Variants in SMURF2 observed in about 807,000 individuals in gnomAD.
The protein encoded by SMURF2 is E3 ubiquitin-protein ligase SMURF2.
Under a neutral mutation model 109.6 loss-of-function variants are expected in SMURF2, and 48 were observed. The observed-to-expected ratio is 0.44, with a 90% CI of 0.35 to 0.56. The LOEUF (loss-of-function observed/expected upper bound fraction) is 0.56. SMURF2 is among the 20% of genes least tolerant of loss of function. SMURF2 has a pLI of 0.01. For synonymous variants in SMURF2, 288 were observed against 317.1 expected, an observed-to-expected ratio of 0.91 and a Z score of 0.97; for missense variants, 575 against 909.0, an observed-to-expected ratio of 0.63 and a Z score of 4.72.
At chr17:64,628,174 T>C (rs1339955539) in intron 1 of SMURF2, among the ~76,000 whole-genome samples, 1 of 152,184 alleles carries the variant, frequency 6.6e-6, no homozygotes, top group Non-Finnish European at 1.5e-5. Flanking sequence ...TTCTGGTTTC[T>C]TGTGGGTAGA....
chr17:64,576,231 G>T (rs782329536), intron 9 of SMURF2, among the ~76,000 whole-genome samples: 6 of 151,866 alleles, frequency 4.0e-5, no homozygotes, highest in Admixed American at 3.3e-4. Context: ...GGGAGGCAGG[G>T]AGAAAACAAT....
chr17:64,551,379 A>G (rs1969043423), intron 16 of SMURF2, among the ~76,000 whole-genome samples: 2 of 151,990 alleles, frequency 1.3e-5, no homozygotes, highest in African/African-American at 4.8e-5. Context: ...AGAGAGAGAG[A>G]GACAGATTGT....
intron 1 of SMURF2, among the ~76,000 whole-genome samples, chr17:64,647,481 C>T (rs1555693064): frequency 2.0e-5 from 3 of 152,000 alleles, no homozygotes; most frequent in Admixed American, 6.6e-5. Flanking sequence ...AGCTTGAGAC[C>T]AGCCTGGCCA....
intron 5 of SMURF2, among the ~76,000 whole-genome samples, chr17:64,588,918 C>T (rs186857122): frequency 2.0e-4 from 30 of 152,250 alleles, no homozygotes; most frequent in African/African-American, 6.7e-4. Context: ...CCACTGTGCC[C>T]GGCCCGGGAA....
At chr17:64,551,790 C>G (rs531132522) in intron 15 of SMURF2, 86 bp from the exon 16 acceptor site, 4 of 1,512,614 alleles carry the variant, frequency 2.6e-6, no homozygotes, top group Non-Finnish European at 3.6e-6. Context: ...TTAGCAACAC[C>G]GCATCTTACA....
chr17:64,584,662 T>G (rs1369393620), intron 6 of SMURF2, among the ~76,000 whole-genome samples: 1 of 152,164 alleles, frequency 6.6e-6, no homozygotes, highest in Non-Finnish European at 1.5e-5. Flanking sequence ...TGGCCAAGAC[T>G]GCTACTTTCT....
intron 2 of SMURF2, among the ~76,000 whole-genome samples, chr17:64,599,794 C>T (rs1276031242): frequency 2.6e-5 from 4 of 152,076 alleles, no homozygotes; most frequent in African/African-American, 7.2e-5. Flanking sequence ...GTCCCTGTGC[C>T]GAAGGTTGGG....
intron 1 of SMURF2, 117 bp from the exon 2 acceptor site, chr17:64,606,757 AT>A: frequency 1.5e-6 from 1 of 682,184 alleles, no homozygotes; most frequent in East Asian, 3.1e-5. Context: ...ATAGCAAGGT[AT>A]GAAACATGAC....
chr17:64,576,003 G>C (rs1969484582), intron 9 of SMURF2, among the ~76,000 whole-genome samples: 1 of 151,770 alleles, frequency 6.6e-6, no homozygotes, highest in Non-Finnish European at 1.5e-5. Context: ...TCAGGAGTTT[G>C]AGACTAGCTT....
intron 1 of SMURF2, among the ~76,000 whole-genome samples, chr17:64,635,187 C>A (rs1438445860): frequency 6.6e-6 from 1 of 151,850 alleles, no homozygotes; most frequent in South Asian, 2.1e-4. Flanking sequence ...ATTAGCTGGG[C>A]GTGGTGGTGC....
chr17:64,545,733 AGG>A lies in SMURF2; in HGVS notation c.*113_*114del, dbSNP rs59188589. 0.12 allele frequency: 9,293 copies of A among 79,138 alleles called. 794 individuals are homozygous for A. The highest frequency in any genetic ancestry group is 0.32 in the African/African-American group (6,063 of 19,172). 4.9% of individuals were successfully genotyped at this position (79,138 alleles called of 1,614,324 possible). A position where few individuals can be genotyped will look rare whatever the true frequency, so the allele number is the denominator to read the frequency against. On this transcript the variant is annotated 3_prime_UTR_variant, in exon 19 of 19. Coordinates refer to ENST00000262435, the MANE Select transcript of SMURF2 (RefSeq NM_022739.4). ...CTAAAATGTAAAAAAAAAAAAAAAA[AGG>A]GGGGGGGGGGGAGTGTTTTCCTGTA...
intron 1 of SMURF2, among the ~76,000 whole-genome samples, chr17:64,632,634 C>G (rs1293994355): frequency 6.6e-6 from 1 of 152,172 alleles, no homozygotes; most frequent in African/African-American, 2.4e-5. Context: ...CTCTTTTCAG[C>G]TGAAGGGGAA....
intron 10 of SMURF2, among the ~76,000 whole-genome samples, chr17:64,571,584 A>C (rs1555685547): frequency 6.6e-6 from 1 of 152,086 alleles, no homozygotes; most frequent in East Asian, 1.9e-4. Flanking sequence ...TTTTTAATTT[A>C]AACAACTTTT....
intron 7 of SMURF2, among the ~76,000 whole-genome samples, chr17:64,582,956 G>C (rs1176633434): frequency 6.7e-6 from 1 of 148,642 alleles, no homozygotes; most frequent in African/African-American, 2.5e-5. Flanking sequence ...TAGAGTGCAC[G>C]GGCACGATCT....
chr17:64,559,205 T>C (rs942876917), intron 12 of SMURF2, among the ~76,000 whole-genome samples: 2 of 152,206 alleles, frequency 1.3e-5, no homozygotes, highest in African/African-American at 2.4e-5. Context: ...AGAACTCAAC[T>C]ACTTTGAGAT....
chr17:64,631,277 G>A (rs1555691556), intron 1 of SMURF2, among the ~76,000 whole-genome samples: 2 of 12,524 alleles, frequency 1.6e-4, no homozygotes, highest in African/African-American at 4.1e-4. Context: ...AGAGAGGGGG[G>A]GGGGGAGAGA....
intron 1 of SMURF2, among the ~76,000 whole-genome samples, chr17:64,641,756 ACAATAGAC>A (rs1555692578): frequency 6.6e-6 from 1 of 152,090 alleles, no homozygotes; most frequent in Non-Finnish European, 1.5e-5. Flanking sequence ...GAATAAACAC[ACAATAGAC>A]TCTGGGCCAA....
chr17:64,578,574 G>A lies in SMURF2; in HGVS notation c.775C>T (p.Gln259Ter). 1 of 1,609,288 alleles carries A rather than the reference G, an allele frequency of 6.2e-7. No homozygotes were observed. Among genetic ancestry groups the A allele is most frequent in the Non-Finnish European group, 8.5e-7 (1 of 1,175,730 alleles). Residue 259 changes from glutamine (Q) to a stop codon, truncating the protein, a stop_gained and splice_region_variant, in exon 9 of 19, where the codon CAG (glutamine) becomes TAG (stop). Transcript: ENST00000262435. LOFTEE classifies it high-confidence loss of function. ...TPPDLPEGYE[Q>*]RTTQQGQVYF... is the part of the protein sequence containing the mutation. ...ACCTGGCCTTGTTGCGTTGTCCTCTGTTCTGTAAAATTAATAAACACTGAT... is the reference window on the plus strand; with the variant it reads ...ACCTGGCCTTGTTGCGTTGTCCTCTATTCTGTAAAATTAATAAACACTGAT...
At chr17:64,621,952 CAATAATAATAAT>C (rs782162183) in intron 1 of SMURF2, among the ~76,000 whole-genome samples, 17 of 130,498 alleles carry the variant, frequency 1.3e-4, no homozygotes, top group African/African-American at 1.6e-4. Context: ...GCCATCATCG[CAATAATAATAAT>C]AATAATAATA....
Sources: allele counts gnomAD v4.1 joint callset (sites outside exome capture counted in the v4.1 genomes callset), GRCh38; gene constraint gnomAD v4.1.1; transcripts MANE v1.5; gene names NCBI Gene and HGNC (gene_info 2026-07-23, HGNC 2026-07-21).